The following MECOM variants were observed in gnomAD, a reference collection of about 807,000 sequenced individuals.
MECOM encodes histone-lysine N-methyltransferase MECOM.
In MECOM, 13 loss-of-function variants were observed where a neutral mutation model predicts 116.3. That is an observed-to-expected ratio of 0.11 (90% confidence interval 0.07 to 0.18). MECOM has a LOEUF of 0.18. Among genes scored for constraint, MECOM ranks in the 10% least tolerant of loss-of-function variants. The pLI, the probability that MECOM is intolerant of heterozygous loss-of-function variation, is 1.00. For missense variants in MECOM, 1,299 were observed against 1,509.0 expected (o/e 0.86, Z 2.31); for synonymous variants, 528 against 535.2 (o/e 0.99, Z 0.19).
At chr3:169,102,290 C>A in intron 10 of MECOM, 64 bp from the exon 11 acceptor site, 1 of 1,467,464 alleles carries the variant, frequency 6.8e-7, no homozygotes, top group Admixed American at 2.0e-5. Context: ...TAATCTCTGG[C>A]AAACCAAGGA....
chr3:169,142,476 C>G (rs552048997), intron 3 of MECOM, among the ~76,000 whole-genome samples: 67 of 151,896 alleles, frequency 4.4e-4, no homozygotes, highest in South Asian at 6.2e-4. Context: ...GCGACAGTAA[C>G]TCATATGATA....
rs548633647 is a variant in MECOM at position 169,622,965 on chromosome 3, A to T, written c.37+40371T>A. Among the ~76,000 whole-genome samples, 83 of 152,338 alleles carry T rather than the reference A, an allele frequency of 5.4e-4. 2 individuals are homozygous for T. Among genetic ancestry groups the T allele is most frequent in the East Asian group, 9.6e-4 (5 of 5,192 alleles). On this transcript the variant is annotated intron_variant, in intron 1 of 16. Transcript: ENST00000651503. The stretch of plus-strand genomic sequence containing the variant: ...TGAGATTTACTGAAACGAAGATCAG[A>T]TGAAAAGAGTAAGTCAGAACTTCTG...
intron 2 of MECOM, among the ~76,000 whole-genome samples, chr3:169,191,999 G>A (rs1334255352): frequency 6.6e-6 from 1 of 151,912 alleles, no homozygotes; most frequent in Non-Finnish European, 1.5e-5. Context: ...CATTTCAATG[G>A]CATTAGCCGG....
intron 1 of MECOM, among the ~76,000 whole-genome samples, chr3:169,509,385 G>A (rs1203748429): frequency 6.6e-6 from 1 of 152,182 alleles, no homozygotes; most frequent in Non-Finnish European, 1.5e-5. Flanking sequence ...ATTTTTAAGT[G>A]TATAGTTCAG....
chr3:169,323,846 G>A (rs756922525), intron 2 of MECOM, among the ~76,000 whole-genome samples: 12 of 152,184 alleles, frequency 7.9e-5, no homozygotes, highest in African/African-American at 1.7e-4. Flanking sequence ...AAGTGCTTGG[G>A]TTTGACAGTA....
chr3:169,177,934 G>A (rs1247957135), intron 2 of MECOM, among the ~76,000 whole-genome samples: 1 of 150,754 alleles, frequency 6.6e-6, no homozygotes, highest in East Asian at 1.9e-4. Flanking sequence ...AAAAAAAGGA[G>A]AAAAAAACAA....
chr3:169,418,558 C>T (rs1441663343), intron 1 of MECOM, among the ~76,000 whole-genome samples: 2 of 152,088 alleles, frequency 1.3e-5, no homozygotes, highest in Non-Finnish European at 2.9e-5. Flanking sequence ...ATGATCAAGT[C>T]GGCTTCACCC....
rs551797716 is a variant in MECOM at position 169,099,772 on chromosome 3, A to C, written c.2849+1113T>G. On this transcript the variant is annotated intron_variant, in intron 12 of 16. Coordinates refer to ENST00000651503, the MANE Select transcript of MECOM (RefSeq NM_004991.4). ...TTGTATAATATTCATTCTTTGAAGA[A>C]ATATTTACGAGTAACTAATACTGTG... Among the ~76,000 whole-genome samples the C allele has an allele frequency of 4.6e-5, 7 of 152,286 alleles. 1 individual carries two copies. In the South Asian group the frequency reaches 1.5e-3, roughly 32 times the overall value.
chr3:169,359,394 G>T (rs1284893669), intron 2 of MECOM, among the ~76,000 whole-genome samples: 7 of 151,700 alleles, frequency 4.6e-5, no homozygotes, highest in Non-Finnish European at 7.4e-5. Flanking sequence ...AATCAGTTAT[G>T]GTAGGTGAGT....
At chr3:169,129,992 C>A (rs937091812) in intron 4 of MECOM, among the ~76,000 whole-genome samples, 1 of 151,930 alleles carries the variant, frequency 6.6e-6, no homozygotes, top group Non-Finnish European at 1.5e-5. Flanking sequence ...AGAGTTGAAT[C>A]CTAGAAGTAT....
At chr3:169,371,496 G>A (rs1730117566) in intron 2 of MECOM, among the ~76,000 whole-genome samples, 1 of 142,946 alleles carries the variant, frequency 7.0e-6, no homozygotes, top group African/African-American at 2.7e-5. Context: ...TAAGGGAGTA[G>A]ATCTTAAGTA....
intron 2 of MECOM, among the ~76,000 whole-genome samples, chr3:169,366,004 G>T (rs1729095977): frequency 6.6e-6 from 1 of 151,326 alleles, no homozygotes. Context: ...ACTGGAAAAG[G>T]TTAACCGGCT....
rs1244110708 is a variant in MECOM at position 169,642,295 on chromosome 3, A to G, written c.37+21041T>C. 3.3e-5 allele frequency among the ~76,000 whole-genome samples: 5 copies of G among 152,252 alleles called. No individual in the cohort carries two copies. In the East Asian group the frequency reaches 9.7e-4, roughly 29 times the overall value. On this transcript the variant is annotated intron_variant, in intron 1 of 16. Coordinates refer to ENST00000651503, the MANE Select transcript of MECOM (RefSeq NM_004991.4). ...CAAAACTTCTGCTTTATCCATTTCA[A>G]ATGTGAAGGGAAGACAAGAGAGAAG... is the stretch of plus-strand genomic sequence containing the variant.
At chr3:169,581,126 T>C (rs1209423206) in intron 1 of MECOM, among the ~76,000 whole-genome samples, 3 of 152,176 alleles carry the variant, frequency 2.0e-5, no homozygotes, top group Non-Finnish European at 2.9e-5. Context: ...TATGCTCACA[T>C]AGTGAACAGG....
At chr3:169,546,240 T>C (rs1012446303) in intron 1 of MECOM, among the ~76,000 whole-genome samples, 4 of 152,210 alleles carry the variant, frequency 2.6e-5, no homozygotes, top group Admixed American at 2.0e-4. Context: ...AATTCCTGTC[T>C]ATCTCTTAAT....
intron 1 of MECOM, chr3:169,566,021 G>A (rs750185309): frequency 7.7e-5 from 33 of 427,332 alleles, no homozygotes; most frequent in South Asian, 1.7e-4. Context: ...GGTGGAAGGC[G>A]AAGGGGAAAC....
chr3:169,520,984 A>T (rs1054826792), intron 1 of MECOM, among the ~76,000 whole-genome samples: 2 of 152,238 alleles, frequency 1.3e-5, no homozygotes, highest in Non-Finnish European at 2.9e-5. Context: ...AAATTAAAGC[A>T]TATACACAAG....
chr3:169,329,272 T>A (rs969005088), intron 2 of MECOM, among the ~76,000 whole-genome samples: 2 of 152,238 alleles, frequency 1.3e-5, no homozygotes, highest in Admixed American at 6.5e-5. Flanking sequence ...TTGAAGTCAG[T>A]CTATCAGGTG....
chr3:169,238,699 C>T (rs1177411852), intron 2 of MECOM, among the ~76,000 whole-genome samples: 1 of 152,156 alleles, frequency 6.6e-6, no homozygotes, highest in Admixed American at 6.5e-5. Flanking sequence ...TTCAGATAAA[C>T]AAATCTGATT....
Sources: gnomAD v4.1 joint callset for allele counts (sites outside exome capture counted in the v4.1 genomes callset) on GRCh38, gnomAD v4.1.1 for gene constraint, MANE v1.5 for transcripts, NCBI Gene and HGNC (gene_info 2026-07-23, HGNC 2026-07-21) for gene names.